Variants in ITGB5 observed in about 807,000 individuals in gnomAD.
ITGB5 encodes the protein integrin subunit beta 5.
A neutral mutation model predicts 84.8 loss-of-function variants in ITGB5; 38 were observed. That is an observed-to-expected ratio of 0.45 (90% confidence interval 0.35 to 0.59). The LOEUF is 0.59. ITGB5 is among the 20% of genes least tolerant of loss of function. ITGB5 has a pLI of 0.01. For synonymous variants in ITGB5, 393 were observed against 414.4 expected, an observed-to-expected ratio of 0.95 and a Z score of 0.63; for missense variants, 905 against 1,034.5, an observed-to-expected ratio of 0.87 and a Z score of 1.72.
chr3:124,807,310 G>C (rs1354387501), intron 9 of ITGB5, among the ~76,000 whole-genome samples: 1 of 152,200 alleles, frequency 6.6e-6, no homozygotes, highest in Non-Finnish European at 1.5e-5. Flanking sequence ...CAGCTACTTG[G>C]GAGGCGGAGG....
chr3:124,796,590 C>T lies in ITGB5; in HGVS notation c.1491G>A (p.Arg497=), dbSNP rs1358528305. The change falls in exon 10 of 15, where the codon AGG becomes AGA. Residue 497 remains arginine, a synonymous_variant. Coordinates refer to ENST00000296181, the MANE Select transcript of ITGB5 (RefSeq NM_002213.5). ...CECSPGYLGT[R]CECQDGENQS... is the part of the protein sequence containing the mutation. The stretch of plus-strand genomic sequence containing the variant: ...GGTTCTCCCCATCCTGGCACTCGCA[C>T]CTGGTGCCCAGGTAGCCGGGGCTGC... 4 of 1,614,030 alleles carry T rather than the reference C, an allele frequency of 2.5e-6. No homozygotes were observed. The highest frequency in any genetic ancestry group is 2.2e-5 in the East Asian group (1 of 44,896).
chr3:124,857,171 C>A (rs1415111764), intron 3 of ITGB5: 1 of 152,206 alleles, frequency 6.6e-6, no homozygotes, highest in African/African-American at 2.4e-5. Context: ...TTTAAAAACT[C>A]TTGGTGCAGA....
In ITGB5 at chr3:124,766,293, G is replaced by A. The variant is rs1471676710; in HGVS notation, c.2070C>T (p.Cys690=). ...GCTCCACATAGGTGAACATCATGAC[G>A]CAGTCCTTGGCGGTTTTGTAGAAAC... ...VLCFYKTAKD[C]VMMFTYVELP... The change falls in exon 13 of 15, where the codon TGC becomes TGT. Residue 690 remains cysteine (C), a synonymous_variant. Coordinates refer to ENST00000296181, the MANE Select transcript of ITGB5 (RefSeq NM_002213.5). The A allele has an allele frequency of 9.9e-6, 16 of 1,613,964 alleles. No individual in the cohort carries two copies. Among genetic ancestry groups the A allele is most frequent in the Non-Finnish European group, 1.4e-5 (16 of 1,179,988 alleles).
At chr3:124,840,124 GT>G (rs1392395862) in intron 5 of ITGB5, among the ~76,000 whole-genome samples, 1 of 152,232 alleles carries the variant, frequency 6.6e-6, no homozygotes, top group Non-Finnish European at 1.5e-5. Context: ...AGGAGTCTGT[GT>G]GACACACCAG....
chr3:124,900,448 G>T (rs1935193588), intron 1 of ITGB5, among the ~76,000 whole-genome samples: 1 of 152,202 alleles, frequency 6.6e-6, no homozygotes, highest in Admixed American at 6.5e-5. Context: ...CTCTCACCTG[G>T]AAGTAGCAGA....
At chr3:124,859,526 C>T (rs955600024) in intron 2 of ITGB5, 80 bp from the exon 3 acceptor site, 1 of 1,089,180 alleles carries the variant, frequency 9.2e-7, no homozygotes, top group Non-Finnish European at 1.4e-6. Context: ...GCTGCGTCTC[C>T]ATCTGGTTGA....
At chr3:124,884,776 C>A (rs1164218927) in intron 1 of ITGB5, among the ~76,000 whole-genome samples, 5 of 152,160 alleles carry the variant, frequency 3.3e-5, no homozygotes, top group Admixed American at 3.3e-4. Context: ...GTGCTTTTCT[C>A]TTCCTTAAGC....
At chr3:124,777,125 A>C (rs886110401) in intron 10 of ITGB5, among the ~76,000 whole-genome samples, 2 of 152,152 alleles carry the variant, frequency 1.3e-5, no homozygotes, top group African/African-American at 2.4e-5. Flanking sequence ...TAAGAAGAGG[A>C]GTCAGGAGTC....
intron 1 of ITGB5, among the ~76,000 whole-genome samples, chr3:124,899,028 T>A (rs1559993388): frequency 6.6e-6 from 1 of 151,706 alleles, no homozygotes; most frequent in Admixed American, 6.6e-5. Flanking sequence ...TGAGCCTAGA[T>A]TGCGCCATTG....
chr3:124,828,935 G>A (rs1389495914), intron 5 of ITGB5, among the ~76,000 whole-genome samples: 1 of 152,058 alleles, frequency 6.6e-6, no homozygotes, highest in Non-Finnish European at 1.5e-5. Flanking sequence ...CAGCTTCCTT[G>A]TTTATAAGAG....
intron 12 of ITGB5, among the ~76,000 whole-genome samples, chr3:124,767,111 T>A (rs975251834): frequency 6.6e-6 from 1 of 152,194 alleles, no homozygotes. Context: ...GGGCTGTTTT[T>A]TGGAGAGAAA....
At chr3:124,885,655 G>T (rs1934770061) in intron 1 of ITGB5, among the ~76,000 whole-genome samples, 1 of 152,188 alleles carries the variant, frequency 6.6e-6, no homozygotes, top group Non-Finnish European at 1.5e-5. Flanking sequence ...CCTGCTCCTC[G>T]CTTTCCCTAG....
chr3:124,792,200 A>T (rs1004181279), intron 10 of ITGB5: 1 of 152,208 alleles, frequency 6.6e-6, no homozygotes, highest in Non-Finnish European at 1.5e-5. Context: ...ATGATTTACT[A>T]AAGTCATTCG....
At chr3:124,889,879 G>T (rs1446215203), upstream of ITGB5, among the ~76,000 whole-genome samples, 1 of 152,154 alleles carries the variant, frequency 6.6e-6, no homozygotes, top group East Asian at 1.9e-4. Flanking sequence ...GGGCATGGTG[G>T]TGGGTGCCTG....
rs774109905 is a variant in ITGB5 at position 124,864,672 on chromosome 3, C to T, written c.157-5226G>A. Among the ~76,000 whole-genome samples the T allele has an allele frequency of 9.2e-5, 14 of 152,040 alleles. 1 individual carries two copies. Among genetic ancestry groups the T allele is most frequent in the African/African-American group, 1.7e-4 (7 of 41,456 alleles). The stretch of plus-strand genomic sequence containing the variant: ...TCGAAAAACTACTTAATGGGTACTA[C>T]GCTCACTACTTAGAGTGCAATATAC... On this transcript the variant is annotated intron_variant, in intron 2 of 14. Transcript: ENST00000296181.
chr3:124,785,326 A>G (rs535110043), intron 10 of ITGB5, among the ~76,000 whole-genome samples: 3 of 152,122 alleles, frequency 2.0e-5, no homozygotes, highest in East Asian at 1.9e-4. Context: ...GCTCACGCCT[A>G]TAATCCCAGC....
At chr3:124,767,069 A>G (rs960389974) in intron 12 of ITGB5, among the ~76,000 whole-genome samples, 5 of 152,210 alleles carry the variant, frequency 3.3e-5, no homozygotes, top group Non-Finnish European at 7.3e-5. Flanking sequence ...GGCATTACCT[A>G]CATTCCAAGG....
intron 8 of ITGB5, among the ~76,000 whole-genome samples, chr3:124,811,462 A>T (rs897996155): frequency 8.5e-5 from 13 of 152,222 alleles, no homozygotes; most frequent in Non-Finnish European, 1.5e-4. Context: ...AGGCATGTAA[A>T]AAAATTACTT....
chr3:124,881,039 G>A (rs1165917763), intron 1 of ITGB5, among the ~76,000 whole-genome samples: 1 of 151,888 alleles, frequency 6.6e-6, no homozygotes, highest in African/African-American at 2.4e-5. Flanking sequence ...GCTAGAGTAC[G>A]GTGGTGTGAT....
Sources: gnomAD v4.1 joint callset for allele counts (sites outside exome capture counted in the v4.1 genomes callset) on GRCh38, gnomAD v4.1.1 for gene constraint, MANE v1.5 for transcripts, NCBI Gene and HGNC (gene_info 2026-07-23, HGNC 2026-07-21) for gene names.